Variants in CCK observed in about 807,000 individuals in gnomAD.
CCK encodes the protein cholecystokinin triacontatriapeptide.
A neutral mutation model predicts 10.1 loss-of-function variants in CCK; 11 were observed. The observed-to-expected ratio is 1.09, with a 90% CI of 0.69 to 1.81. CCK has a LOEUF of 1.81. CCK is among the 40% of genes most tolerant of loss of function. The pLI is 0.00. For synonymous variants in CCK, 83 were observed against 71.9 expected (o/e 1.15, Z -0.78); for missense variants, 137 against 159.9 (o/e 0.86, Z 0.77).
chr3:42,260,570 C>T (rs949139187), intron 4 of CCK, among the ~76,000 whole-genome samples: 2 of 152,228 alleles, frequency 1.3e-5, no homozygotes, highest in African/African-American at 4.8e-5. Flanking sequence ...CTCACTTTCC[C>T]AGTGCTGACA....
At chr3:42,258,468 C>T (rs1302484376) in intron 4 of CCK, among the ~76,000 whole-genome samples, 2 of 152,196 alleles carry the variant, frequency 1.3e-5, no homozygotes, top group African/African-American at 4.8e-5. Flanking sequence ...GTGTGCTTTG[C>T]GTTCTGCAAG....
At chr3:42,261,740 G>A (rs1207162245) in intron 4 of CCK, among the ~76,000 whole-genome samples, 1 of 151,980 alleles carries the variant, frequency 6.6e-6, no homozygotes, top group Non-Finnish European at 1.5e-5. Context: ...ATTGGAGGAG[G>A]GGAGTCCAGG....
In CCK at chr3:42,265,279, T is replaced by C. The variant is rs1711270919; in HGVS notation, c.-224A>G. Reference sequence around the variant, plus strand: ...CGCTGGTCTTCATACCTGTGTCGGCTCTTTCGAAGGAGAGAGGAGGAGTCG... The same window carrying C: ...CGCTGGTCTTCATACCTGTGTCGGCCCTTTCGAAGGAGAGAGGAGGAGTCG... On this transcript the variant is annotated 5_prime_UTR_variant, in exon 2 of 5. Coordinates refer to ENST00000396169, the MANE Select transcript of CCK (RefSeq NM_000729.6). 1 of 152,200 alleles carries C rather than the reference T, an allele frequency of 6.6e-6. No individual in the cohort carries two copies. Among genetic ancestry groups the C allele is most frequent in the Non-Finnish European group, 1.5e-5 (1 of 68,106 alleles). 9.4% of individuals were successfully genotyped at this position (152,200 alleles called of 1,614,324 possible). A position where few individuals can be genotyped will look rare whatever the true frequency, so the allele number is the denominator to read the frequency against.
intron 4 of CCK, among the ~76,000 whole-genome samples, chr3:42,262,461 C>T (rs1247804424): frequency 1.3e-5 from 2 of 152,100 alleles, no homozygotes; most frequent in African/African-American, 4.8e-5. Context: ...CTCATGTGAT[C>T]CACCTGCCTC....
intron 4 of CCK, 60 bp downstream of exon 4, chr3:42,263,357 T>G: frequency 6.2e-7 from 1 of 1,612,574 alleles, no homozygotes; most frequent in South Asian, 1.1e-5. Flanking sequence ...GAGAAGAGGG[T>G]CAGCATCGGG....
In CCK at chr3:42,258,182, G is replaced by A. The variant is rs763889731; in HGVS notation, c.264C>T (p.Pro88=). The change falls in exon 5 of 5, where the codon CCC becomes CCT. Residue 88 remains proline (P), a synonymous_variant. Coordinates refer to ENST00000396169, the MANE Select transcript of CCK (RefSeq NM_000729.6). ...SIVKNLQNLD[P]SHRISDRDYM... is the part of the protein sequence containing the mutation. Reference sequence around the variant, plus strand: ...AGTCCCGGTCACTTATCCTGTGGCTGGGGTCCAGGTTCTGCAGGTTCTTAA... The same window carrying A: ...AGTCCCGGTCACTTATCCTGTGGCTAGGGTCCAGGTTCTGCAGGTTCTTAA... 6 of 1,614,090 alleles carry A rather than the reference G, an allele frequency of 3.7e-6. No homozygotes were observed. In the South Asian group the frequency reaches 6.6e-5, roughly 18 times the overall value.
intron 4 of CCK, among the ~76,000 whole-genome samples, chr3:42,259,081 T>C (rs935899173): frequency 6.6e-5 from 10 of 152,034 alleles, no homozygotes; most frequent in African/African-American, 2.4e-4. Flanking sequence ...AAACCATCAT[T>C]CTCAGCAAAC....
intron 4 of CCK, among the ~76,000 whole-genome samples, chr3:42,258,803 C>T (rs905758266): frequency 4.6e-5 from 7 of 152,160 alleles, no homozygotes; most frequent in African/African-American, 1.4e-4. Flanking sequence ...GGCAATCCCT[C>T]AAGGATCTAG....
rs1391505515 is a variant in CCK at position 42,261,208 on chromosome 3, G to C, written c.214+2209C>G. Among the ~76,000 whole-genome samples the C allele has an allele frequency of 3.3e-5, 5 of 152,142 alleles. 1 individual carries two copies. The highest frequency in any genetic ancestry group is 3.3e-4 in the Admixed American group (5 of 15,280). Reference sequence around the variant, plus strand: ...GATAAACTCTTAAGTACTGCTCAAAGAATGCATTGTCTTGTTTAGAACTTT... The same window carrying C: ...GATAAACTCTTAAGTACTGCTCAAACAATGCATTGTCTTGTTTAGAACTTT... On this transcript the variant is annotated intron_variant, in intron 4 of 4. Coordinates refer to ENST00000396169, the MANE Select transcript of CCK (RefSeq NM_000729.6).
At chr3:42,260,906 G>A (rs766742743) in intron 4 of CCK, among the ~76,000 whole-genome samples, 14 of 152,194 alleles carry the variant, frequency 9.2e-5, no homozygotes, top group Non-Finnish European at 1.6e-4. Flanking sequence ...GGGGGAGCAG[G>A]ACTAGATAGA....
At chr3:42,263,033 T>G in intron 4 of CCK, 1 of 348,074 alleles carries the variant, frequency 2.9e-6, no homozygotes, top group Non-Finnish European at 5.4e-6. Context: ...CATTGACCCC[T>G]TCCTGCTAGA....
At chr3:42,258,886 A>T (rs1711174613) in intron 4 of CCK, among the ~76,000 whole-genome samples, 1 of 152,238 alleles carries the variant, frequency 6.6e-6, no homozygotes, top group South Asian at 2.1e-4. Context: ...CCATTCTGCT[A>T]TAAAGACACA....
chr3:42,261,513 G>T (rs1402658907), intron 4 of CCK, among the ~76,000 whole-genome samples: 1 of 152,142 alleles, frequency 6.6e-6, no homozygotes, highest in African/African-American at 2.4e-5. Context: ...GGAGAGGGGG[G>T]CTGAGAAGAG....
chr3:42,263,752 C>A, intron 3 of CCK, 120 bp from the exon 4 acceptor site: 1 of 1,413,094 alleles, frequency 7.1e-7, no homozygotes, highest in Non-Finnish European at 9.2e-7. Context: ...ACCCGCCAGG[C>A]CGCCGCAAGC....
chr3:42,260,538 T>C (rs898521208), intron 4 of CCK, among the ~76,000 whole-genome samples: 1 of 152,218 alleles, frequency 6.6e-6, no homozygotes, highest in African/African-American at 2.4e-5. Flanking sequence ...CCTCATGTCA[T>C]GTGTATTTAC....
chr3:42,261,865 A>C (rs1306222764), intron 4 of CCK, among the ~76,000 whole-genome samples: 1 of 152,354 alleles, frequency 6.6e-6, no homozygotes, highest in East Asian at 1.9e-4. Context: ...GGAACTCAAA[A>C]GCTTTCAGAC....
At chr3:42,258,327 A>G (rs1711167047) in intron 4 of CCK, 96 bp from the exon 5 acceptor site, 3 of 1,358,760 alleles carry the variant, frequency 2.2e-6, no homozygotes, top group South Asian at 2.7e-5. Flanking sequence ...GCCAGACGCA[A>G]TATAACAGAC....
chr3:42,259,484 TAAATC>T (rs1711184134), intron 4 of CCK, among the ~76,000 whole-genome samples: 1 of 152,206 alleles, frequency 6.6e-6, no homozygotes, highest in African/African-American at 2.4e-5. Flanking sequence ...TTTTTAATGA[TAAATC>T]AATATCAATT....
intron 4 of CCK, among the ~76,000 whole-genome samples, chr3:42,262,416 C>T (rs1711229569): frequency 6.6e-6 from 1 of 152,002 alleles, no homozygotes; most frequent in South Asian, 2.1e-4. Flanking sequence ...GATGGGGTTT[C>T]ACCATGTTGG....
Sources: allele counts gnomAD v4.1 joint callset (sites outside exome capture counted in the v4.1 genomes callset), GRCh38; gene constraint gnomAD v4.1.1; transcripts MANE v1.5; gene names NCBI Gene and HGNC (gene_info 2026-07-23, HGNC 2026-07-21).